The following PCDHGA4 variants were observed in gnomAD, a reference collection of about 807,000 sequenced individuals.
PCDHGA4 encodes the protein protocadherin gamma subfamily A, 4.
PCDHGA4 carries 38 observed loss-of-function variants against 54.6 expected under a neutral mutation model. That is an observed-to-expected ratio of 0.70 (90% confidence interval 0.54 to 0.91). The LOEUF is 0.91. Ranked by LOEUF, PCDHGA4 falls within the 40% of genes least tolerant of loss-of-function variation. The probability of loss-of-function intolerance (pLI) is 0.00; values close to 1 mark genes in which losing one functional copy is unlikely to be tolerated. For missense variants in PCDHGA4, 1,298 were observed against 1,220.9 expected, an observed-to-expected ratio of 1.06 and a Z score of -0.94; for synonymous variants, 511 against 512.9, an observed-to-expected ratio of 1.00 and a Z score of 0.05.
Position 141,512,495 on chromosome 5 carries a change from C to T in PCDHGA4, c.*1322C>T, listed in dbSNP as rs2099884264. 1 of 152,920 alleles carries T rather than the reference C, an allele frequency of 6.5e-6. No homozygotes were observed. The highest frequency in any genetic ancestry group is 1.5e-5 in the Non-Finnish European group (1 of 68,240). The allele number at this position is 152,920 out of a possible 1,614,324, so 9.5% of individuals were successfully genotyped here. A position where few individuals can be genotyped will look rare whatever the true frequency, so the allele number is the denominator to read the frequency against. On this transcript the variant is annotated 3_prime_UTR_variant, in exon 4 of 4. Coordinates refer to ENST00000571252, the MANE Select transcript of PCDHGA4 (RefSeq NM_018917.4). ...TTCCGTGAAGGCCACTGCCCAGGTCCCCAGTGCGCCCCCTAGTGGCCATAG... is the reference window on the plus strand; with the variant it reads ...TTCCGTGAAGGCCACTGCCCAGGTCTCCAGTGCGCCCCCTAGTGGCCATAG...
intron 1 of PCDHGA4, among the ~76,000 whole-genome samples, chr5:141,470,212 C>A (rs756256854): frequency 2.0e-5 from 3 of 152,116 alleles, no homozygotes; most frequent in Non-Finnish European, 4.4e-5. Context: ...AAGGCTAAAC[C>A]ATTCAGCTTC....
chr5:141,364,778 A>T, intron 1 of PCDHGA4: 2 of 1,614,006 alleles, frequency 1.2e-6, no homozygotes, highest in Non-Finnish European at 1.7e-6. Context: ...GGCTGCAGGG[A>T]CACGGTTAGT....
rs751567991 is a variant in PCDHGA4 at position 141,398,180 on chromosome 5, T to C, written c.2514+40559T>C. ...CGGGCTGAGAGGCTGCCAGTGCTCT[T>C]TCTCTTCCTGCTGTCTTTGTTCTGC... On this transcript the variant is annotated intron_variant, in intron 1 of 3. Coordinates refer to ENST00000571252, the MANE Select transcript of PCDHGA4 (RefSeq NM_018917.4). 3 of 1,473,764 alleles carry C rather than the reference T, an allele frequency of 2.0e-6. No individual in the cohort carries two copies. The African/African-American group carries it at 4.3e-5, about 21-fold the overall frequency. The allele number at this position is 1,473,764 out of a possible 1,614,324, so 91.3% of individuals were successfully genotyped here. A position where few individuals can be genotyped will look rare whatever the true frequency, so the allele number is the denominator to read the frequency against.
intron 1 of PCDHGA4, chr5:141,419,908 C>T: frequency 1.2e-6 from 2 of 1,613,976 alleles, no homozygotes; most frequent in Non-Finnish European, 1.7e-6. Context: ...CACCCTCTGA[C>T]TCCCAGGCTG....
rs71576115 is a variant in PCDHGA4, at chr5:141,463,438, CTTTT to C, written c.2515-31344_2515-31341del. Among the ~76,000 whole-genome samples, 12 of 103,242 alleles carry C rather than the reference CTTTT, an allele frequency of 1.2e-4. No homozygotes were observed. In the South Asian group the frequency reaches 1.6e-3, roughly 14 times the overall value. 67.7% of individuals were successfully genotyped at this position (103,242 alleles called of 152,430 possible). ...GTTTGCGGATCCTCATTTCCTTCTCCTTTTTTTTTTTTTTTTTTTTTTTTTTTTG... is the reference window on the plus strand; with the variant it reads ...GTTTGCGGATCCTCATTTCCTTCTCCTTTTTTTTTTTTTTTTTTTTTTTTG... On this transcript the variant is annotated intron_variant, in intron 1 of 3. Coordinates refer to ENST00000571252, the MANE Select transcript of PCDHGA4 (RefSeq NM_018917.4).
Position 141,494,842 on chromosome 5 carries a change from G to A in PCDHGA4, c.2550G>A (p.Gln850=). 1 of 1,614,116 alleles carries A rather than the reference G, an allele frequency of 6.2e-7. No homozygotes were observed. Among genetic ancestry groups the A allele is most frequent in the Non-Finnish European group, 8.5e-7 (1 of 1,180,018 alleles). The change falls in exon 2 of 4, where the codon CAG becomes CAA. Residue 850 remains glutamine, a synonymous_variant. Coordinates refer to ENST00000571252, the MANE Select transcript of PCDHGA4 (RefSeq NM_018917.4). ...APPNTDWRFS[Q]AQRPGTSGSQ... is the part of the protein sequence containing the mutation. ...CCAACACGGACTGGCGTTTCTCTCA[G>A]GCCCAGAGACCCGGCACCAGCGGGT... is the stretch of plus-strand genomic sequence containing the variant.
chr5:141,490,030 C>G lies in PCDHGA4; in HGVS notation c.2515-4777C>G, dbSNP rs1361758608. The G allele has an allele frequency of 1.2e-6, 2 of 1,614,150 alleles. No individual in the cohort carries two copies. Among genetic ancestry groups the G allele is most frequent in the African/African-American group, 2.7e-5 (2 of 74,936 alleles). The stretch of plus-strand genomic sequence containing the variant: ...ACCCATTGGTACTCTGCTGCTCCGC[C>G]TCAATGCCACTGATCCAGACGAGGG... On this transcript the variant is annotated intron_variant, in intron 1 of 3. Coordinates refer to ENST00000571252, the MANE Select transcript of PCDHGA4 (RefSeq NM_018917.4). This position sits in a 1 kb window ranked among gnomAD's most constrained non-coding sequence, Gnocchi z 5.4.
At chr5:141,433,358 C>CCTAG (rs1554125965) in intron 1 of PCDHGA4, 2 of 498,106 alleles carry the variant, frequency 4.0e-6, no homozygotes, top group African/African-American at 4.2e-5. Flanking sequence ...CTACTGTCTG[C>CCTAG]CTATCTATCT....
rs748660721 is a variant in PCDHGA4 at position 141,485,346 on chromosome 5, G to A, written c.2515-9461G>A. The A allele has an allele frequency of 1.2e-6, 2 of 1,614,178 alleles. No individual in the cohort carries two copies. Among genetic ancestry groups the A allele is most frequent in the South Asian group, 2.2e-5 (2 of 91,088 alleles). ...CAAGATTTCCTGCTGGATACGGACA[G>A]TCTGTCAGCTCGCAGGCTGCAGGTC... On this transcript the variant is annotated intron_variant, in intron 1 of 3. Transcript: ENST00000571252. This position sits in a 1 kb window ranked among gnomAD's most constrained non-coding sequence, Gnocchi z 5.7.
chr5:141,427,146 A>G (rs901147622), intron 1 of PCDHGA4: 10 of 456,872 alleles, frequency 2.2e-5, no homozygotes, highest in Admixed American at 7.0e-5. Context: ...TGATATTGGA[A>G]ATATGTTTGT....
rs537087639 is a variant in PCDHGA4 at position 141,510,502 on chromosome 5, G to A, written c.2663-445G>A. 3.3e-5 allele frequency among the ~76,000 whole-genome samples: 5 copies of A among 152,296 alleles called. No homozygotes were observed. The South Asian group carries it at 6.2e-4, about 19-fold the overall frequency. ...CTTGAGAAAGCCAGGGCAAGGAACTGAGAGCCCGTGTCACAGCCCTGAGAG... is the reference window on the plus strand; with the variant it reads ...CTTGAGAAAGCCAGGGCAAGGAACTAAGAGCCCGTGTCACAGCCCTGAGAG... On this transcript the variant is annotated intron_variant, in intron 3 of 3. Coordinates refer to ENST00000571252, the MANE Select transcript of PCDHGA4 (RefSeq NM_018917.4).
intron 1 of PCDHGA4, chr5:141,371,712 C>CTGCA: frequency 1.2e-6 from 2 of 1,614,078 alleles, no homozygotes; most frequent in Non-Finnish European, 1.7e-6. Context: ...GACCATCACT[C>CTGCA]TGCACATCCT....
At chr5:141,444,621 G>A (rs1265458898) in intron 1 of PCDHGA4, among the ~76,000 whole-genome samples, 1 of 152,132 alleles carries the variant, frequency 6.6e-6, no homozygotes, top group Non-Finnish European at 1.5e-5. Flanking sequence ...CATGTGGCAT[G>A]ATGCACCAGT....
Position 141,487,278 on chromosome 5 carries a change from T to G in PCDHGA4, c.2515-7529T>G. 6 of 1,614,180 alleles carry G rather than the reference T, an allele frequency of 3.7e-6. No individual in the cohort carries two copies. Among genetic ancestry groups the G allele is most frequent in the Non-Finnish European group, 5.1e-6 (6 of 1,180,040 alleles). On this transcript the variant is annotated intron_variant, in intron 1 of 3. Coordinates refer to ENST00000571252, the MANE Select transcript of PCDHGA4 (RefSeq NM_018917.4). The surrounding 1 kb of genome is among the most constrained non-coding windows in gnomAD (Gnocchi z 5.0). Reference sequence around the variant, plus strand: ...GCTGTGTCCCTAGTGGCAATTTGCTTTGTCTCCTTTGGCTCATTCGTGGCA... The same window carrying G: ...GCTGTGTCCCTAGTGGCAATTTGCTGTGTCTCCTTTGGCTCATTCGTGGCA...
intron 1 of PCDHGA4, among the ~76,000 whole-genome samples, chr5:141,456,244 T>C (rs1382294283): frequency 6.6e-6 from 1 of 152,144 alleles, no homozygotes; most frequent in East Asian, 1.9e-4. Context: ...GTTAGGAGGC[T>C]TTGGGCGACC....
intron 1 of PCDHGA4, among the ~76,000 whole-genome samples, chr5:141,451,108 G>A (rs1484218835): frequency 3.3e-5 from 5 of 151,860 alleles, no homozygotes; most frequent in South Asian, 2.1e-4. Flanking sequence ...GATTACAGGC[G>A]TGAGCCACCA....
intron 1 of PCDHGA4, chr5:141,384,902 T>A: frequency 3.1e-6 from 5 of 1,613,898 alleles, no homozygotes; most frequent in Non-Finnish European, 4.2e-6. Flanking sequence ...GCTGACAGCA[T>A]CCCCGAAGTC....
Position 141,393,873 on chromosome 5 carries a change from A to G in PCDHGA4, c.2514+36252A>G, listed in dbSNP as rs759255236. The G allele has an allele frequency of 1.9e-6, 3 of 1,613,916 alleles. No individual in the cohort carries two copies. In the Admixed American group the frequency reaches 5.0e-5, roughly 27 times the overall value. On this transcript the variant is annotated intron_variant, in intron 1 of 3. Coordinates refer to ENST00000571252, the MANE Select transcript of PCDHGA4 (RefSeq NM_018917.4). ...AGAAGTGATCATTACGTCTTTGTTT[A>G]GCCCAGTGTTAGAAAATTCTCTTCC...
At chr5:141,415,739 G>GTT (rs1561759437) in intron 1 of PCDHGA4, 11 of 435,132 alleles carry the variant, frequency 2.5e-5, no homozygotes, top group African/African-American at 1.6e-4. Flanking sequence ...TGTTTATTAA[G>GTT]GTTTTTTTTT....
Sources: gnomAD v4.1 joint callset for allele counts (sites outside exome capture counted in the v4.1 genomes callset) on GRCh38, gnomAD v4.1.1 for gene constraint, Gnocchi (gnomAD v3.1) non-coding constraint, MANE v1.5 for transcripts, NCBI Gene and HGNC (gene_info 2026-07-23, HGNC 2026-07-21) for gene names.